The following XKR4 variants were observed in gnomAD, a reference collection of about 807,000 sequenced individuals.
XKR4 encodes the protein XK-related protein 4.
In XKR4, 12 loss-of-function variants were observed where a neutral mutation model predicts 53.9. The observed-to-expected ratio is 0.22, with a 90% CI of 0.14 to 0.36. The LOEUF is 0.36. Among genes scored for constraint, XKR4 ranks in the 10% least tolerant of loss-of-function variants. The pLI is 1.00. For synonymous variants in XKR4, 354 were observed against 362.4 expected, an observed-to-expected ratio of 0.98 and a Z score of 0.26; for missense variants, 799 against 859.5, an observed-to-expected ratio of 0.93 and a Z score of 0.88.
At position 55,476,015 on chromosome 8, in the gene XKR4, G is replaced by A. The variant is rs141736171; in HGVS notation, c.1007-47266G>A. 6.0e-3 allele frequency among the ~76,000 whole-genome samples: 905 copies of A among 152,060 alleles called. 14 individuals are homozygous for A. The highest frequency in any genetic ancestry group is 0.02 in the African/African-American group (844 of 41,406). On this transcript the variant is annotated intron_variant, in intron 2 of 2. Transcript: ENST00000327381. Reference sequence around the variant, plus strand: ...TTCACTTCAGCCTTCCAAAGTGCTGGGATTACAGGTGTTAGCCACCGCACC... The same window carrying A: ...TTCACTTCAGCCTTCCAAAGTGCTGAGATTACAGGTGTTAGCCACCGCACC...
intron 1 of XKR4, among the ~76,000 whole-genome samples, chr8:55,231,587 G>A (rs1370199957): frequency 6.6e-6 from 1 of 151,952 alleles, no homozygotes; most frequent in Non-Finnish European, 1.5e-5. Flanking sequence ...TCAAATTGAA[G>A]TAGCACAGAC....
chr8:55,280,036 C>T (rs1818818717), intron 1 of XKR4, among the ~76,000 whole-genome samples: 1 of 152,136 alleles, frequency 6.6e-6, no homozygotes, highest in Admixed American at 6.5e-5. Flanking sequence ...AATAATCTCC[C>T]TTTGGCCTTG....
chr8:55,347,970 T>A (rs149164466), intron 1 of XKR4, among the ~76,000 whole-genome samples: 3 of 152,278 alleles, frequency 2.0e-5, no homozygotes, highest in Admixed American at 1.3e-4. Flanking sequence ...CCATGCAGAA[T>A]CCTCAAAAGG....
intron 2 of XKR4, among the ~76,000 whole-genome samples, chr8:55,368,216 A>C (rs976457480): frequency 6.6e-6 from 1 of 152,032 alleles, no homozygotes; most frequent in South Asian, 2.1e-4. Flanking sequence ...CCGCCTCCCA[A>C]AGTGCTGGGA....
intron 1 of XKR4, among the ~76,000 whole-genome samples, chr8:55,144,496 G>A (rs892676664): frequency 3.3e-5 from 5 of 152,048 alleles, no homozygotes; most frequent in Admixed American, 6.6e-5. Flanking sequence ...CCAGGCAACC[G>A]TTGCCATGAT....
In XKR4 at chr8:55,534,065, G is replaced by A. The variant is rs1806991711; in HGVS notation, c.*9838G>A. 6.6e-6 allele frequency: 1 copy of A among 152,186 alleles called. No individual in the cohort carries two copies. The highest frequency in any genetic ancestry group is 2.1e-4 in the South Asian group (1 of 4,810). 9.4% of individuals were successfully genotyped at this position (152,186 alleles called of 1,614,324 possible). A position where few individuals can be genotyped will look rare whatever the true frequency, so the allele number is the denominator to read the frequency against. On this transcript the variant is annotated 3_prime_UTR_variant, in exon 3 of 3. Transcript: ENST00000327381. ...CCACATGTTTGGAAATGAAAATAAT[G>A]CACTGTCATCTGTTGAATAATTGAT...
At chr8:55,419,026 C>T (rs1290016246) in intron 2 of XKR4, among the ~76,000 whole-genome samples, 4 of 152,108 alleles carry the variant, frequency 2.6e-5, no homozygotes, top group African/African-American at 9.7e-5. Context: ...CTGCAGTTAC[C>T]GGTTATCTCC....
At chr8:55,474,616 G>A (rs548301316) in intron 2 of XKR4, among the ~76,000 whole-genome samples, 2 of 151,990 alleles carry the variant, frequency 1.3e-5, no homozygotes, top group Non-Finnish European at 2.9e-5. Flanking sequence ...CAAAAATTGG[G>A]GGCATTTAAG....
intron 1 of XKR4, among the ~76,000 whole-genome samples, chr8:55,248,390 A>C (rs554253959): frequency 6.6e-6 from 1 of 152,362 alleles, no homozygotes; most frequent in East Asian, 1.9e-4. Flanking sequence ...GCAAGCATGT[A>C]ATTGCCTCTA....
intron 1 of XKR4, among the ~76,000 whole-genome samples, chr8:55,309,711 A>T (rs1047059637): frequency 6.6e-5 from 10 of 152,208 alleles, no homozygotes; most frequent in Admixed American, 6.5e-4. Flanking sequence ...AGATCTCTGT[A>T]TCACTTCTTG....
At chr8:55,355,016 G>A (rs558992083) in intron 1 of XKR4, among the ~76,000 whole-genome samples, 2 of 151,250 alleles carry the variant, frequency 1.3e-5, no homozygotes, top group African/African-American at 2.4e-5. Context: ...TGATTCTCCC[G>A]TCTCAGCCTC....
At chr8:55,242,977 G>T (rs1277129161) in intron 1 of XKR4, among the ~76,000 whole-genome samples, 1 of 152,202 alleles carries the variant, frequency 6.6e-6, no homozygotes, top group African/African-American at 2.4e-5. Context: ...TGGGGGTAAA[G>T]CAACTTATAA....
At chr8:55,407,420 T>C (rs1804700304) in intron 2 of XKR4, among the ~76,000 whole-genome samples, 1 of 152,196 alleles carries the variant, frequency 6.6e-6, no homozygotes, top group South Asian at 2.1e-4. Context: ...ACTTGAGAAT[T>C]ACGGACTTAG....
chr8:55,242,448 C>G (rs1818223879), intron 1 of XKR4, among the ~76,000 whole-genome samples: 1 of 151,998 alleles, frequency 6.6e-6, no homozygotes, highest in Non-Finnish European at 1.5e-5. Flanking sequence ...TCACCTGTGA[C>G]AAAGGAAATG....
At chr8:55,451,481 C>A in intron 2 of XKR4, 1 of 1,198,726 alleles carries the variant, frequency 8.3e-7, no homozygotes, top group Non-Finnish European at 1.2e-6. Flanking sequence ...CTCGAGTCTG[C>A]CTGGAACTGG....
chr8:55,201,765 C>T (rs1156628059), intron 1 of XKR4, among the ~76,000 whole-genome samples: 1 of 152,176 alleles, frequency 6.6e-6, no homozygotes, highest in Admixed American at 6.5e-5. Context: ...TCTGATGGCC[C>T]TGGATAAGTA....
chr8:55,353,288 TG>T (rs1186551314), intron 1 of XKR4, among the ~76,000 whole-genome samples: 1 of 152,194 alleles, frequency 6.6e-6, no homozygotes, highest in Non-Finnish European at 1.5e-5. Context: ...ATGAGATCAT[TG>T]GGGTGACTCC....
At chr8:55,224,262 A>G (rs1174351348) in intron 1 of XKR4, among the ~76,000 whole-genome samples, 1 of 152,182 alleles carries the variant, frequency 6.6e-6, no homozygotes, top group Admixed American at 6.5e-5. Flanking sequence ...ATTAGTTCCA[A>G]TTAATCGAGT....
At chr8:55,366,413 C>T (rs997109259) in intron 2 of XKR4, among the ~76,000 whole-genome samples, 2 of 152,198 alleles carry the variant, frequency 1.3e-5, no homozygotes, top group Non-Finnish European at 2.9e-5. Context: ...AAAGCAGGCG[C>T]TCTAGATCAT....
Sources: gnomAD v4.1 joint callset for allele counts (sites outside exome capture counted in the v4.1 genomes callset) on GRCh38, gnomAD v4.1.1 for gene constraint, MANE v1.5 for transcripts, NCBI Gene and HGNC (gene_info 2026-07-23, HGNC 2026-07-21) for gene names.